The following HNF4A variants were observed in gnomAD, a reference collection of about 807,000 sequenced individuals.
HNF4A encodes hepatocyte nuclear factor 4 alpha, also known as hepatocyte nuclear factor 4-alpha.
In HNF4A, 15 loss-of-function variants were observed where a neutral mutation model predicts 52.4. The observed-to-expected ratio is 0.29, with a 90% confidence interval of 0.19 to 0.44. HNF4A has a LOEUF of 0.44. HNF4A is among the 20% of genes least tolerant of loss of function. The pLI, the probability that HNF4A is intolerant of heterozygous loss-of-function variation, is 1.00. For missense variants in HNF4A, 479 were observed against 647.2 expected, an observed-to-expected ratio of 0.74 and a Z score of 2.82; for synonymous variants, 280 against 264.4, an observed-to-expected ratio of 1.06 and a Z score of -0.57.
upstream of HNF4A, chr20:44,401,209 C>A (rs950711698): frequency 4.7e-6 from 7 of 1,503,370 alleles, no homozygotes; most frequent in Non-Finnish European, 5.3e-6. Flanking sequence ...GCCTCCACCC[C>A]TTCACAGAGG....
chr20:44,382,472 C>T (rs1276126565), intron 1 of HNF4A, among the ~76,000 whole-genome samples: 1 of 152,050 alleles, frequency 6.6e-6, no homozygotes, highest in Non-Finnish European at 1.5e-5. Flanking sequence ...CTCTTGACCT[C>T]GTGATCCGCC....
At chr20:44,357,718 A>T (rs2062873520) in intron 1 of HNF4A, among the ~76,000 whole-genome samples, 1 of 152,106 alleles carries the variant, frequency 6.6e-6, no homozygotes, top group Non-Finnish European at 1.5e-5. Flanking sequence ...GAATGGATGG[A>T]TGAATGGGTT....
intron 5 of HNF4A, 100 bp from the exon 6 acceptor site, chr20:44,418,325 A>G: frequency 1.1e-6 from 1 of 880,070 alleles, no homozygotes; most frequent in South Asian, 1.3e-5. Flanking sequence ...AGGTAGAGGC[A>G]GAGGGGAGCA....
intron 3 of HNF4A, among the ~76,000 whole-genome samples, chr20:44,409,248 C>T (rs1370824289): frequency 6.6e-6 from 1 of 152,192 alleles, no homozygotes; most frequent in East Asian, 1.9e-4. Flanking sequence ...CCTCCTCTCC[C>T]AAACCCAGTT....
At chr20:44,368,800 T>C (rs570999809) in intron 1 of HNF4A, among the ~76,000 whole-genome samples, 63 of 152,284 alleles carry the variant, frequency 4.1e-4, no homozygotes, top group African/African-American at 1.5e-3. Flanking sequence ...ATAATAGTAA[T>C]GTGGTTATGC....
At chr20:44,385,902 C>G (rs944410069) in intron 1 of HNF4A, among the ~76,000 whole-genome samples, 4 of 152,150 alleles carry the variant, frequency 2.6e-5, no homozygotes, top group Non-Finnish European at 4.4e-5. Context: ...CTCTGGCGCC[C>G]AGGCTGGAGT....
At chr20:44,425,627 A>G (rs1201982870) in intron 8 of HNF4A, among the ~76,000 whole-genome samples, 2 of 150,754 alleles carry the variant, frequency 1.3e-5, no homozygotes, top group African/African-American at 4.9e-5. Flanking sequence ...GACCTCAGAG[A>G]TCCATTGTGG....
chr20:44,356,990 G>A (rs922671754), intron 1 of HNF4A, among the ~76,000 whole-genome samples: 6 of 152,120 alleles, frequency 3.9e-5, no homozygotes, highest in East Asian at 1.9e-4. Flanking sequence ...GGTGGATGCC[G>A]TGGGGAACAA....
chr20:44,415,809 G>C (rs894023570), intron 5 of HNF4A, among the ~76,000 whole-genome samples: 1 of 152,038 alleles, frequency 6.6e-6, no homozygotes, highest in African/African-American at 2.4e-5. Context: ...CCTCATACAG[G>C]GGCTGGACCC....
chr20:44,359,570 T>C (rs754211314), intron 1 of HNF4A, among the ~76,000 whole-genome samples: 1 of 152,138 alleles, frequency 6.6e-6, no homozygotes, highest in African/African-American at 2.4e-5. Context: ...GAACTGAGGC[T>C]CTGGTATAAA....
chr20:44,400,358 G>A (rs2063392173), upstream of HNF4A, among the ~76,000 whole-genome samples: 1 of 152,134 alleles, frequency 6.6e-6, no homozygotes, highest in East Asian at 1.9e-4. Flanking sequence ...GGGGGAAGAG[G>A]ATGGACGTCT....
chr20:44,401,156 C>A, upstream of HNF4A: 4 of 1,413,484 alleles, frequency 2.8e-6, no homozygotes, highest in Non-Finnish European at 3.7e-6. Flanking sequence ...TATCCACCGG[C>A]GGGGGACCGA....
chr20:44,414,731 C>A, intron 5 of HNF4A, 69 bp downstream of exon 5: 1 of 1,456,302 alleles, frequency 6.9e-7, no homozygotes, highest in Non-Finnish European at 9.5e-7. Context: ...TGCTGGCCCA[C>A]CTGGGATATA....
rs6103731 is a variant in HNF4A, at chr20:44,418,653, A to G, written c.736+141A>G. On this transcript the variant is annotated intron_variant, in intron 6 of 9. Coordinates refer to ENST00000316099, the MANE Select transcript of HNF4A (RefSeq NM_000457.6). ...GTGGCCCTGTCCTCAGGCTTGCATT[A>G]GAGGGCTCCAGGACTCAGTTTTCAA... 361,125 of 653,248 alleles carry G rather than the reference A, an allele frequency of 0.55. 102,511 individuals carry two copies. The highest frequency in any genetic ancestry group is 0.64 in the Middle Eastern group (1,570 of 2,446). 40.5% of individuals were successfully genotyped at this position (653,248 alleles called of 1,614,324 possible).
upstream of HNF4A, among the ~76,000 whole-genome samples, chr20:44,400,038 G>A (rs1219367508): frequency 6.6e-6 from 1 of 152,216 alleles, no homozygotes; most frequent in Non-Finnish European, 1.5e-5. Context: ...GAAAATGTCT[G>A]CACAGAAGGC....
intron 7 of HNF4A, among the ~76,000 whole-genome samples, chr20:44,420,219 C>T (rs1319484819): frequency 1.3e-5 from 2 of 152,056 alleles, no homozygotes; most frequent in African/African-American, 2.4e-5. Flanking sequence ...GTAATCCCAG[C>T]TATTCGGGAG....
rs77457785 is a variant in HNF4A, at chr20:44,356,475, A to C, written c.49+622A>C. ...GTGACCCCCACATTGGAAGCAACCC[A>C]ATGTCCCTCAGCAGAGGGAAGACGG... On this transcript the variant is annotated intron_variant, in intron 1 of 9. Transcript: ENST00000316673. Among the ~76,000 whole-genome samples the C allele has an allele frequency of 5.5e-3, 839 of 152,276 alleles. 6 individuals are homozygous for C. The highest frequency in any genetic ancestry group is 0.019 in the African/African-American group (772 of 41,554).
At chr20:44,405,280 A>AT (rs1226720939) in intron 1 of HNF4A, among the ~76,000 whole-genome samples, 7 of 152,102 alleles carry the variant, frequency 4.6e-5, no homozygotes, top group African/African-American at 1.7e-4. Flanking sequence ...AATTTTTTAA[A>AT]TTTTTTAAAT....
intron 7 of HNF4A, among the ~76,000 whole-genome samples, chr20:44,422,907 G>T (rs1347710552): frequency 6.6e-6 from 1 of 151,830 alleles, no homozygotes. Context: ...TCAAACTCCT[G>T]ACCTCAAGTG....
Sources: gnomAD v4.1 joint callset for allele counts (sites outside exome capture counted in the v4.1 genomes callset) on GRCh38, gnomAD v4.1.1 for gene constraint, MANE v1.5 for transcripts, NCBI Gene and HGNC (gene_info 2026-07-23, HGNC 2026-07-21) for gene names.